GALNT10: variants seen among roughly 807,000 people sequenced by gnomAD.
The protein encoded by GALNT10 is GalNAc transferase 10.
Under a neutral mutation model 75.0 loss-of-function variants are expected in GALNT10, and 41 were observed. That is an observed-to-expected ratio of 0.55 (90% CI 0.43 to 0.71). The LOEUF (loss-of-function observed/expected upper bound fraction) is 0.71, where lower values mean the gene tolerates loss of function less well. GALNT10 is among the 30% of genes least tolerant of loss of function. The pLI, the probability that GALNT10 is intolerant of heterozygous loss-of-function variation, is 0.00. For synonymous variants in GALNT10, 302 were observed against 313.0 expected, an observed-to-expected ratio of 0.96 and a Z score of 0.37; for missense variants, 727 against 818.5, an observed-to-expected ratio of 0.89 and a Z score of 1.36.
chr5:154,264,493 C>G (rs956807455), intron 1 of GALNT10, among the ~76,000 whole-genome samples: 1 of 152,036 alleles, frequency 6.6e-6, no homozygotes, highest in East Asian at 1.9e-4. Context: ...CTGCAGTTTA[C>G]TTCCATGTGA....
rs1192106045 is a variant in GALNT10, at chr5:154,219,836, T to TCACACACACACACACACA, written c.159+28812_159+28813insACACACACACACACACAC. 1.6e-3 allele frequency among the ~76,000 whole-genome samples: 216 copies of TCACACACACACACACACA among 134,268 alleles called. 1 individual carries two copies. Among genetic ancestry groups the TCACACACACACACACACA allele is most frequent in the South Asian group, 8.7e-3 (36 of 4,146 alleles). 88.1% of individuals were successfully genotyped at this position (134,268 alleles called of 152,430 possible). On this transcript the variant is annotated intron_variant, in intron 1 of 11. Transcript: ENST00000297107. ...CGCTCTCTCTCTCTCTCTCTCTCTCTCTCACACACACACACACACACACAC... is the reference window on the plus strand; with the variant it reads ...CGCTCTCTCTCTCTCTCTCTCTCTCTCACACACACACACACACACTCACACACACACACACACACACAC...
At chr5:154,206,764 C>G (rs893801850) in intron 1 of GALNT10, among the ~76,000 whole-genome samples, 1 of 152,192 alleles carries the variant, frequency 6.6e-6, no homozygotes, top group African/African-American at 2.4e-5. Flanking sequence ...GGGTGAGGGC[C>G]AGGTCACAGG....
At chr5:154,195,130 A>G (rs1727860712) in intron 1 of GALNT10, among the ~76,000 whole-genome samples, 1 of 152,382 alleles carries the variant, frequency 6.6e-6, no homozygotes, top group Non-Finnish European at 1.5e-5. Context: ...AAAGATAACC[A>G]TCTAGCTTGC....
intron 4 of GALNT10, among the ~76,000 whole-genome samples, chr5:154,343,556 A>T (rs1032450777): frequency 8.5e-5 from 13 of 152,186 alleles, no homozygotes; most frequent in Non-Finnish European, 1.3e-4. Context: ...TGAGGCCTCA[A>T]CCAAGCCCAT....
chr5:154,262,698 C>A (rs1355298622), intron 1 of GALNT10, among the ~76,000 whole-genome samples: 2 of 152,186 alleles, frequency 1.3e-5, no homozygotes, highest in African/African-American at 4.8e-5. Context: ...CAGCACTAAG[C>A]TGGGCTCCAT....
intron 4 of GALNT10, among the ~76,000 whole-genome samples, chr5:154,330,908 G>GGGGTGT (rs769311099): frequency 4.6e-4 from 58 of 126,034 alleles, no homozygotes; most frequent in African/African-American, 1.5e-3. Context: ...AGACAGAGAG[G>GGGGTGT]GTGTGTGTGT....
chr5:154,321,831 A>C (rs1754680232), intron 3 of GALNT10, among the ~76,000 whole-genome samples: 1 of 151,910 alleles, frequency 6.6e-6, no homozygotes, highest in African/African-American at 2.4e-5. Context: ...AGAGAGGGGC[A>C]CCCACTGTCA....
chr5:154,279,582 C>A (rs1754008096), intron 1 of GALNT10, among the ~76,000 whole-genome samples: 1 of 151,988 alleles, frequency 6.6e-6, no homozygotes, highest in South Asian at 2.1e-4. Flanking sequence ...GTATTACAGG[C>A]ATGAGCCTCC....
At chr5:154,227,549 T>G (rs1304749583) in intron 1 of GALNT10, among the ~76,000 whole-genome samples, 2 of 152,248 alleles carry the variant, frequency 1.3e-5, no homozygotes. Flanking sequence ...ATATTCTATA[T>G]ACAAGTATTT....
chr5:154,232,418 T>C (rs1201435508), intron 1 of GALNT10, among the ~76,000 whole-genome samples: 2 of 152,232 alleles, frequency 1.3e-5, no homozygotes, highest in Non-Finnish European at 2.9e-5. Context: ...GTGCCAGGCA[T>C]CTTTCTGTGT....
chr5:154,286,829 G>T (rs980343210), intron 1 of GALNT10, among the ~76,000 whole-genome samples: 1 of 152,228 alleles, frequency 6.6e-6, no homozygotes, highest in Non-Finnish European at 1.5e-5. Flanking sequence ...CTTGCCTGAC[G>T]TGGGCCCAGC....
At chr5:154,349,433 G>T (rs1755173347) in intron 4 of GALNT10, 1 of 152,092 alleles carries the variant, frequency 6.6e-6, no homozygotes, top group Non-Finnish European at 1.5e-5. Flanking sequence ...ATTTCTCCGG[G>T]CAAGGTGGTG....
intron 1 of GALNT10, among the ~76,000 whole-genome samples, chr5:154,214,550 G>T (rs1752835343): frequency 7.3e-6 from 1 of 137,648 alleles, no homozygotes; most frequent in African/African-American, 2.5e-5. Flanking sequence ...CTTAAAAAAG[G>T]GACTAATTTT....
chr5:154,191,051 G>A, intron 1 of GALNT10, 26 bp downstream of exon 1: 2 of 1,376,966 alleles, frequency 1.5e-6, no homozygotes, highest in Non-Finnish European at 1.9e-6. Flanking sequence ...GCTACAGGCC[G>A]GGAACACCCC....
chr5:154,384,842 G>A (rs574554124), intron 6 of GALNT10, among the ~76,000 whole-genome samples: 1 of 152,348 alleles, frequency 6.6e-6, no homozygotes, highest in South Asian at 2.1e-4. Context: ...CAAGTTCCCT[G>A]TCTGCACTCC....
At chr5:154,256,510 G>A (rs1301206917) in intron 1 of GALNT10, among the ~76,000 whole-genome samples, 3 of 151,868 alleles carry the variant, frequency 2.0e-5, no homozygotes, top group South Asian at 2.1e-4. Flanking sequence ...ACTAGGGAGT[G>A]GAATTTTTTA....
chr5:154,225,290 C>T (rs1043213806), intron 1 of GALNT10, among the ~76,000 whole-genome samples: 1 of 151,920 alleles, frequency 6.6e-6, no homozygotes, highest in African/African-American at 2.4e-5. Flanking sequence ...GATGGGATTT[C>T]ACCCTGTTAG....
intron 1 of GALNT10, among the ~76,000 whole-genome samples, chr5:154,242,996 C>A (rs1753363127): frequency 6.6e-6 from 1 of 152,184 alleles, no homozygotes; most frequent in Non-Finnish European, 1.5e-5. Flanking sequence ...CTGTTAAAAG[C>A]ACAGACCATG....
intron 1 of GALNT10, among the ~76,000 whole-genome samples, chr5:154,262,228 C>T (rs1753708964): frequency 6.6e-6 from 1 of 150,534 alleles, no homozygotes; most frequent in East Asian, 1.9e-4. Context: ...TAGGGAGGGG[C>T]CCAGACAGGT....
Sources: allele counts gnomAD v4.1 joint callset (sites outside exome capture counted in the v4.1 genomes callset), GRCh38; gene constraint gnomAD v4.1.1; transcripts MANE v1.5; gene names NCBI Gene and HGNC (gene_info 2026-07-23, HGNC 2026-07-21).